Variants in SLC4A7 observed in about 807,000 individuals in gnomAD.
SLC4A7 encodes the protein sodium bicarbonate cotransporter 3.
A neutral mutation model predicts 137.6 loss-of-function variants in SLC4A7; 51 were observed. The ratio of observed to expected loss-of-function variants is 0.37; its 90% CI spans 0.30 to 0.47. SLC4A7 has a LOEUF of 0.47. SLC4A7 is among the 20% of genes least tolerant of loss of function. The probability of loss-of-function intolerance (pLI) is 1.00; values close to 1 mark genes in which losing one functional copy is unlikely to be tolerated. For synonymous variants in SLC4A7, 542 were observed against 518.6 expected (o/e 1.05, Z -0.61); for missense variants, 1,247 against 1,525.4 (o/e 0.82, Z 3.04).
At chr3:27,403,918 C>T (rs1291412418) in intron 14 of SLC4A7, among the ~76,000 whole-genome samples, 1 of 152,216 alleles carries the variant, frequency 6.6e-6, no homozygotes, top group Non-Finnish European at 1.5e-5. Context: ...CTTCGGGTCA[C>T]TGCATTCTCT....
intron 15 of SLC4A7, among the ~76,000 whole-genome samples, chr3:27,401,990 CT>C (rs2150148406): frequency 1.3e-5 from 2 of 152,264 alleles, no homozygotes; most frequent in African/African-American, 4.8e-5. Flanking sequence ...TTTTCATACC[CT>C]CTTTATTCTG....
In SLC4A7 at chr3:27,431,330, T is replaced by C. The variant is rs1438306103; in HGVS notation, c.1118A>G (p.Gln373Arg). Residue 373 changes from glutamine to arginine, a missense_variant, in exon 7 of 26, where the codon CAG (glutamine) becomes CGG (arginine). Physicochemically the swap from Gln to Arg is conservative, Grantham distance 43. Transcript: ENST00000454389. ...TAAGTCAACATTTTCCTCATTCTTC[T>C]GCTCCTCGCCTTTCAGCGCTGCTTC... is the stretch of plus-strand genomic sequence containing the variant. Reference protein sequence around the residue: ...DLEAALKGEEQKNEENVDLTP... With the variant: ...DLEAALKGEERKNEENVDLTP... 1 of 1,603,004 alleles carries C rather than the reference T, an allele frequency of 6.2e-7. No homozygotes were observed. Among genetic ancestry groups the C allele is most frequent in the East Asian group, 2.2e-5 (1 of 44,704 alleles).
In SLC4A7 at chr3:27,374,005, G is replaced by A. The variant is rs1057337017; in HGVS notation, c.*2759C>T. 1.6e-4 allele frequency: 24 copies of A among 152,268 alleles called. No homozygotes were observed. The highest frequency in any genetic ancestry group is 7.2e-4 in the Admixed American group (11 of 15,238). The allele number at this position is 152,268 out of a possible 1,614,324, so 9.4% of individuals were successfully genotyped here. ...TTAGAAAGACTGTGTGCTTGGCTTCGGCATATTTAATATCATTAAAGAATA... is the reference window on the plus strand; with the variant it reads ...TTAGAAAGACTGTGTGCTTGGCTTCAGCATATTTAATATCATTAAAGAATA... On this transcript the variant is annotated 3_prime_UTR_variant, in exon 26 of 26. Transcript: ENST00000454389.
At chr3:27,433,642 T>G (rs1159743530) in intron 6 of SLC4A7, among the ~76,000 whole-genome samples, 1 of 152,026 alleles carries the variant, frequency 6.6e-6, no homozygotes, top group Non-Finnish European at 1.5e-5. Context: ...TCAAGTATGT[T>G]CAGGAGAAAA....
intron 1 of SLC4A7, among the ~76,000 whole-genome samples, chr3:27,459,784 A>C (rs937484154): frequency 9.9e-5 from 15 of 152,012 alleles, no homozygotes; most frequent in African/African-American, 3.6e-4. Flanking sequence ...CACTCATGAG[A>C]TATAATTACA....
chr3:27,463,533 T>G (rs1190281396), intron 1 of SLC4A7, among the ~76,000 whole-genome samples: 1 of 151,468 alleles, frequency 6.6e-6, no homozygotes, highest in African/African-American at 2.4e-5. Flanking sequence ...AGAGCGAAAC[T>G]CCACCTCAAA....
At chr3:27,398,536 T>C (rs922209051) in intron 16 of SLC4A7, among the ~76,000 whole-genome samples, 183 bp from the exon 17 acceptor site, 2 of 152,168 alleles carry the variant, frequency 1.3e-5, no homozygotes, top group East Asian at 3.8e-4. Context: ...GTAATACATA[T>C]CCTGAGTTCA....
chr3:27,483,230 A>G (rs2059789443), intron 1 of SLC4A7, among the ~76,000 whole-genome samples: 4 of 152,248 alleles, frequency 2.6e-5, no homozygotes, highest in Admixed American at 6.5e-5. Context: ...CCGCTTCTTG[A>G]GCATGGGCCG....
chr3:27,436,353 C>A (rs375955289), intron 5 of SLC4A7, 35 bp downstream of exon 5: 248 of 1,535,346 alleles, frequency 1.6e-4, no homozygotes, highest in Non-Finnish European at 2.2e-4. Flanking sequence ...TTCCACTACA[C>A]CTTACATATT....
intron 1 of SLC4A7, among the ~76,000 whole-genome samples, chr3:27,478,442 C>T (rs1288475045): frequency 2.8e-5 from 4 of 144,536 alleles, no homozygotes; most frequent in Admixed American, 7.2e-5. Flanking sequence ...CGCTTGAACC[C>T]GGGGGACGGA....
At position 27,431,348 on chromosome 3, in the gene SLC4A7, G is replaced by T. The variant is rs201856043; in HGVS notation, c.1100C>A (p.Ala367Glu). 1 of 1,610,498 alleles carries T rather than the reference G, an allele frequency of 6.2e-7. No individual in the cohort carries two copies. The highest frequency in any genetic ancestry group is 8.5e-7 in the Non-Finnish European group (1 of 1,178,214). Residue 367 changes from alanine to glutamate, a missense_variant, in exon 7 of 26, where the codon GCG becomes GAG. By Grantham distance (107) the Ala-to-Glu change is moderately radical. This residue lies in a region of SLC4A7 where 499 missense variants were observed against 664.2 expected (regional missense o/e 0.75). Coordinates refer to ENST00000454389, the MANE Select transcript of SLC4A7 (RefSeq NM_001321103.2). The part of the protein sequence containing the change: ...IHPPEEDLEA[A>E]LKGEEQKNEE... ...ATTCTTCTGCTCCTCGCCTTTCAGC[G>T]CTGCTTCTAAGTCTTCCTCAGGCGG...
At chr3:27,452,333 T>C in intron 2 of SLC4A7, 84 bp downstream of exon 2, 1 of 841,000 alleles carries the variant, frequency 1.2e-6, no homozygotes, top group Non-Finnish European at 1.8e-6. Context: ...CAACAAATAC[T>C]AGGTAAAACT....
At chr3:27,383,305 T>G in intron 23 of SLC4A7, 55 bp from the exon 24 acceptor site, 1 of 1,262,128 alleles carries the variant, frequency 7.9e-7, no homozygotes, top group Admixed American at 1.9e-5. Context: ...TCCAAGAGAA[T>G]TGACTAATTT....
At chr3:27,470,162 T>C (rs528635616) in intron 1 of SLC4A7, among the ~76,000 whole-genome samples, 7 of 152,190 alleles carry the variant, frequency 4.6e-5, no homozygotes, top group Non-Finnish European at 1.0e-4. Flanking sequence ...ATTAAACACA[T>C]TGCAATATTT....
chr3:27,466,813 C>T (rs1348410380), intron 1 of SLC4A7, among the ~76,000 whole-genome samples: 3 of 152,048 alleles, frequency 2.0e-5, no homozygotes, highest in Admixed American at 6.6e-5. Flanking sequence ...GCCGCGATTG[C>T]GCCACTGCAC....
At chr3:27,483,732 G>C (rs895643778) in intron 1 of SLC4A7, among the ~76,000 whole-genome samples, 1 of 152,154 alleles carries the variant, frequency 6.6e-6, no homozygotes, top group Non-Finnish European at 1.5e-5. Context: ...AGAAACAGGG[G>C]AGGCGAGCGC....
chr3:27,377,153 C>T (rs2049973028), intron 25 of SLC4A7, among the ~76,000 whole-genome samples: 1 of 151,936 alleles, frequency 6.6e-6, no homozygotes, highest in South Asian at 2.1e-4. Flanking sequence ...ACTTTTATTT[C>T]ACATATGAAC....
chr3:27,478,449 C>T (rs562778658), intron 1 of SLC4A7, among the ~76,000 whole-genome samples: 3 of 141,838 alleles, frequency 2.1e-5, no homozygotes, highest in South Asian at 4.6e-4. Context: ...ACCCGGGGGA[C>T]GGAGGTTGCC....
chr3:27,443,932 T>C (rs1326644767), intron 3 of SLC4A7, among the ~76,000 whole-genome samples: 1 of 152,246 alleles, frequency 6.6e-6, no homozygotes, highest in Admixed American at 6.5e-5. Context: ...TTTAATTCTA[T>C]TGTGATCAGA....
Sources: gnomAD v4.1 joint callset for allele counts (sites outside exome capture counted in the v4.1 genomes callset) on GRCh38, gnomAD v4.1.1 for gene constraint, gnomAD v4.1.1 regional missense constraint, MANE v1.5 for transcripts, NCBI Gene and HGNC (gene_info 2026-07-23, HGNC 2026-07-21) for gene names.